Variants in ABCC4 observed in about 807,000 individuals in gnomAD.
The protein encoded by ABCC4 is ATP-binding cassette sub-family C member 4.
Under a neutral mutation model 168.5 loss-of-function variants are expected in ABCC4, and 102 were observed. That is an observed-to-expected ratio of 0.61 (90% CI 0.52 to 0.71). The LOEUF (loss-of-function observed/expected upper bound fraction) is 0.71. ABCC4 is among the 30% of genes least tolerant of loss of function. The probability of loss-of-function intolerance (pLI) is 0.00; values close to 1 mark genes in which losing one functional copy is unlikely to be tolerated. For synonymous variants in ABCC4, 617 were observed against 590.7 expected, an observed-to-expected ratio of 1.04 and a Z score of -0.65; for missense variants, 1,402 against 1,605.8, an observed-to-expected ratio of 0.87 and a Z score of 2.17.
Position 95,021,468 on chromosome 13 carries a change from T to C in ABCC4, c.*107A>G. 1 of 656,356 alleles carries C rather than the reference T, an allele frequency of 1.5e-6. No individual in the cohort carries two copies. The highest frequency in any genetic ancestry group is 2.2e-5 in the South Asian group (1 of 45,850). The allele number at this position is 656,356 out of a possible 1,614,324, so 40.7% of individuals were successfully genotyped here. A position where few individuals can be genotyped will look rare whatever the true frequency, so the allele number is the denominator to read the frequency against. ...AATATTCAAATGAACTAGCATCTTG[T>C]ATGTATAAATATTTGTTGCCAAAGT... is the stretch of plus-strand genomic sequence containing the variant. On this transcript the variant is annotated 3_prime_UTR_variant, in exon 31 of 31. Coordinates refer to ENST00000645237, the MANE Select transcript of ABCC4 (RefSeq NM_005845.5).
chr13:95,209,968 C>T (rs1343778605), intron 5 of ABCC4, among the ~76,000 whole-genome samples: 1 of 152,258 alleles, frequency 6.6e-6, no homozygotes, highest in Non-Finnish European at 1.5e-5. Flanking sequence ...CCACCACATA[C>T]TCCAGTAATT....
intron 1 of ABCC4, among the ~76,000 whole-genome samples, chr13:95,270,054 A>G (rs558481041): frequency 6.6e-6 from 1 of 152,262 alleles, no homozygotes; most frequent in Admixed American, 6.5e-5. Flanking sequence ...TTTCTGTCAT[A>G]AGAGAGGATA....
intron 20 of ABCC4, among the ~76,000 whole-genome samples, chr13:95,101,023 C>T (rs114198900): frequency 0.021 from 3,252 of 152,258 alleles, 116 homozygotes; most frequent in African/African-American, 0.075. Flanking sequence ...TCTATAAAAG[C>T]GAGTGACCCA....
intron 20 of ABCC4, among the ~76,000 whole-genome samples, chr13:95,115,439 A>G (rs1447763205): frequency 2.0e-5 from 3 of 151,882 alleles, no homozygotes; most frequent in African/African-American, 7.3e-5. Flanking sequence ...TTGTTAATAA[A>G]GTATTATTTT....
intron 20 of ABCC4, among the ~76,000 whole-genome samples, chr13:95,105,927 C>G (rs371506854): frequency 1.2e-4 from 18 of 152,196 alleles, no homozygotes; most frequent in African/African-American, 4.1e-4. Flanking sequence ...CAACCAGGCA[C>G]AACTCAGAGG....
chr13:95,289,273 T>A (rs1055810568), intron 1 of ABCC4, among the ~76,000 whole-genome samples: 2 of 152,206 alleles, frequency 1.3e-5, no homozygotes, highest in Admixed American at 1.3e-4. Context: ...GAGCTCTGAA[T>A]TCACAAGTGT....
chr13:95,203,955 T>C (rs564305366), intron 8 of ABCC4, among the ~76,000 whole-genome samples: 80 of 152,302 alleles, frequency 5.3e-4, no homozygotes, highest in African/African-American at 1.9e-3. Flanking sequence ...TTTGCTAAGG[T>C]TGCTGCTTCT....
chr13:95,176,324 C>T (rs1341102408), intron 13 of ABCC4, among the ~76,000 whole-genome samples: 2 of 149,210 alleles, frequency 1.3e-5, no homozygotes, highest in African/African-American at 4.9e-5. Context: ...GCAAAGCCCC[C>T]TCTCTTCAAA....
At chr13:95,223,453 A>T (rs748979113) in intron 4 of ABCC4, among the ~76,000 whole-genome samples, 9 of 152,220 alleles carry the variant, frequency 5.9e-5, no homozygotes, top group Non-Finnish European at 1.0e-4. Context: ...ACTGAGGAAA[A>T]ATATGAGTAA....
chr13:95,189,391 G>C (rs1594265404), intron 9 of ABCC4, among the ~76,000 whole-genome samples: 1 of 151,968 alleles, frequency 6.6e-6, no homozygotes, highest in Admixed American at 6.6e-5. Flanking sequence ...AAAGTGCTGG[G>C]ATTACAGGCG....
chr13:95,203,833 A>G (rs946948662), intron 8 of ABCC4, among the ~76,000 whole-genome samples: 3 of 152,144 alleles, frequency 2.0e-5, no homozygotes, highest in African/African-American at 7.2e-5. Context: ...ACCCCCCTTG[A>G]ACAAGGCCTG....
chr13:95,170,557 G>C lies in ABCC4; in HGVS notation c.1799C>G (p.Ala600Gly), dbSNP rs1566487437. The change falls in exon 14 of 31, where the codon GCA becomes GGA. Residue 600 changes from alanine (A) to glycine (G), a missense_variant. Physicochemically the swap from Ala to Gly is moderately conservative, Grantham distance 60. This residue lies in a region of ABCC4 where 1,007 missense variants were observed against 1,127.3 expected (regional missense o/e 0.89). Coordinates refer to ENST00000645237, the MANE Select transcript of ABCC4 (RefSeq NM_005845.5). Reference sequence around the variant, plus strand: ...ATCTTTCAATATCAGAATCTGACTTGCAGCTTTGAGGTACTGCAACTGATG... The same window carrying C: ...ATCTTTCAATATCAGAATCTGACTTCCAGCTTTGAGGTACTGCAACTGATG... The part of the protein sequence containing the change: ...VTHQLQYLKA[A>G]SQILILKDGK... The C allele has an allele frequency of 6.2e-7, 1 of 1,611,282 alleles. No individual in the cohort carries two copies. Among genetic ancestry groups the C allele is most frequent in the South Asian group, 1.1e-5 (1 of 90,492 alleles).
chr13:95,148,636 A>T (rs1423118873), intron 19 of ABCC4, among the ~76,000 whole-genome samples: 1 of 147,550 alleles, frequency 6.8e-6, no homozygotes, highest in African/African-American at 2.6e-5. Context: ...ACACACACAC[A>T]CAATCAATGC....
intron 25 of ABCC4, among the ~76,000 whole-genome samples, chr13:95,064,541 T>C (rs547181923): frequency 6.6e-6 from 1 of 151,516 alleles, no homozygotes; most frequent in East Asian, 2.0e-4. Flanking sequence ...GTGGGGCTTA[T>C]GTGTGTTTCT....
At chr13:95,076,159 G>A (rs1055296707) in intron 21 of ABCC4, among the ~76,000 whole-genome samples, 1 of 152,270 alleles carries the variant, frequency 6.6e-6, no homozygotes, top group South Asian at 2.1e-4. Flanking sequence ...AGAATCCTTT[G>A]TGATCTCCAT....
At chr13:95,291,679 T>C (rs924961174) in intron 1 of ABCC4, among the ~76,000 whole-genome samples, 2 of 152,178 alleles carry the variant, frequency 1.3e-5, no homozygotes, top group African/African-American at 2.4e-5. Context: ...GTGAGGTCAA[T>C]TGGCCATGTG....
intron 19 of ABCC4, among the ~76,000 whole-genome samples, chr13:95,155,034 T>C (rs2036811210): frequency 6.6e-6 from 1 of 152,140 alleles, no homozygotes; most frequent in Admixed American, 6.5e-5. Context: ...AAAAAGCTCA[T>C]CATGGAGGTT....
chr13:95,131,056 C>G (rs2035941737), intron 19 of ABCC4, among the ~76,000 whole-genome samples: 1 of 152,056 alleles, frequency 6.6e-6, no homozygotes, highest in African/African-American at 2.4e-5. Flanking sequence ...ATTATAATAT[C>G]CATTTATCTA....
At chr13:95,250,345 T>C (rs2138816219) in intron 1 of ABCC4, among the ~76,000 whole-genome samples, 1 of 152,286 alleles carries the variant, frequency 6.6e-6, no homozygotes, top group South Asian at 2.1e-4. Context: ...CCCTCCTAAC[T>C]GTCCTACTAG....
Sources: allele counts gnomAD v4.1 joint callset (sites outside exome capture counted in the v4.1 genomes callset), GRCh38; gene constraint gnomAD v4.1.1; regional missense constraint gnomAD v4.1.1; transcripts MANE v1.5; gene names NCBI Gene and HGNC (gene_info 2026-07-23, HGNC 2026-07-21).